Variants in SCOC observed in about 807,000 individuals in gnomAD.
SCOC encodes the protein short coiled coil protein.
A neutral mutation model predicts 9.9 loss-of-function variants in SCOC; 7 were observed. The observed-to-expected ratio is 0.71, with a 90% confidence interval of 0.40 to 1.33. The LOEUF (loss-of-function observed/expected upper bound fraction) is 1.33. Ranked by LOEUF, SCOC falls within the 40% of genes most tolerant of loss-of-function variation. The probability of loss-of-function intolerance (pLI) is 0.01; values close to 1 mark genes in which losing one functional copy is unlikely to be tolerated. For synonymous variants in SCOC, 19 were observed against 28.2 expected (o/e 0.67, Z 1.03); for missense variants, 66 against 89.7 (o/e 0.74, Z 1.07).
At chr4:140,312,016 G>T (rs139174524) in intron 1 of SCOC, among the ~76,000 whole-genome samples, 1 of 152,170 alleles carries the variant, frequency 6.6e-6, no homozygotes, top group East Asian at 1.9e-4. Context: ...CACTTTTAGC[G>T]AGAAATAGTT....
intron 1 of SCOC, among the ~76,000 whole-genome samples, chr4:140,312,696 A>C (rs62345654): frequency 0.12 from 18,716 of 152,212 alleles, 1,326 homozygotes; most frequent in African/African-American, 0.18. Flanking sequence ...TGGCTGCTAA[A>C]GTCCTGGGAT....
At chr4:140,299,285 A>G (rs1327077198) in intron 1 of SCOC, among the ~76,000 whole-genome samples, 2 of 152,218 alleles carry the variant, frequency 1.3e-5, no homozygotes, top group Non-Finnish European at 2.9e-5. Context: ...GAGGGATGTA[A>G]AGTGTGGTAA....
At chr4:140,278,304 CT>C (rs576171237) in intron 1 of SCOC, among the ~76,000 whole-genome samples, 415 of 142,836 alleles carry the variant, frequency 2.9e-3, no homozygotes, top group Middle Eastern at 7.2e-3. Context: ...TCTCTGAAGC[CT>C]TTTTTTTTTT....
At chr4:140,289,183 C>A (rs909098078) in intron 1 of SCOC, among the ~76,000 whole-genome samples, 1 of 152,150 alleles carries the variant, frequency 6.6e-6, no homozygotes, top group African/African-American at 2.4e-5. Flanking sequence ...GCAGGAAATA[C>A]CAACTGAACC....
upstream of SCOC, among the ~76,000 whole-genome samples, chr4:140,373,097 A>T (rs1421653454): frequency 6.6e-6 from 1 of 152,234 alleles, no homozygotes; most frequent in African/African-American, 2.4e-5. Flanking sequence ...GAGGAGAGGA[A>T]CATTCCACTA....
At chr4:140,294,247 T>C (rs1477609185) in intron 1 of SCOC, among the ~76,000 whole-genome samples, 2 of 152,048 alleles carry the variant, frequency 1.3e-5, no homozygotes, top group Non-Finnish European at 2.9e-5. Context: ...TGGACAGGAA[T>C]GTGTGGAAGC....
At chr4:140,299,249 C>A (rs889378781) in intron 1 of SCOC, among the ~76,000 whole-genome samples, 1 of 152,198 alleles carries the variant, frequency 6.6e-6, no homozygotes, top group Non-Finnish European at 1.5e-5. Flanking sequence ...ATCCAGCAAA[C>A]TGAAGAACAC....
At chr4:140,349,570 C>T (rs947085490) in intron 2 of SCOC, among the ~76,000 whole-genome samples, 1 of 152,124 alleles carries the variant, frequency 6.6e-6, no homozygotes, top group African/African-American at 2.4e-5. Flanking sequence ...ACCTTCTCCC[C>T]CCAATCTATT....
At chr4:140,279,094 C>T (rs982683895) in intron 1 of SCOC, among the ~76,000 whole-genome samples, 5 of 152,172 alleles carry the variant, frequency 3.3e-5, no homozygotes, top group African/African-American at 4.8e-5. Context: ...TAGTTCCTCA[C>T]ACTTTTCATG....
intron 1 of SCOC, among the ~76,000 whole-genome samples, chr4:140,377,415 G>A (rs1002357100): frequency 6.6e-6 from 1 of 152,204 alleles, no homozygotes; most frequent in Non-Finnish European, 1.5e-5. Flanking sequence ...TGAAAAAGAG[G>A]TCGGGCAGAG....
chr4:140,372,430 T>C (rs1347452874), upstream of SCOC, among the ~76,000 whole-genome samples: 1 of 152,246 alleles, frequency 6.6e-6, no homozygotes, highest in African/African-American at 2.4e-5. Flanking sequence ...ATCTGAAAAT[T>C]CAAATATTCC....
chr4:140,374,393 A>G (rs902413555), intron 1 of SCOC: 4 of 315,938 alleles, frequency 1.3e-5, no homozygotes, highest in Non-Finnish European at 2.5e-5. Flanking sequence ...CCAGGTTGCC[A>G]ACACGTTTTC....
At chr4:140,346,465 G>A (rs1433760633) in intron 2 of SCOC, among the ~76,000 whole-genome samples, 4 of 152,082 alleles carry the variant, frequency 2.6e-5, no homozygotes, top group Non-Finnish European at 4.4e-5. Context: ...TACCTCCATC[G>A]CCTCCCCCTT....
At chr4:140,361,917 C>G (rs572778810) in intron 2 of SCOC, among the ~76,000 whole-genome samples, 2 of 152,148 alleles carry the variant, frequency 1.3e-5, no homozygotes, top group Admixed American at 1.3e-4. Flanking sequence ...ACTCATAATT[C>G]TATAATAAAG....
At chr4:140,374,364 A>T (rs1189028488) in intron 1 of SCOC, 1 of 336,468 alleles carries the variant, frequency 3.0e-6, no homozygotes, top group Non-Finnish European at 5.9e-6. Flanking sequence ...ATTACGCAAC[A>T]ATAAGGACAG....
intron 2 of SCOC, among the ~76,000 whole-genome samples, chr4:140,361,764 T>C (rs1274817184): frequency 6.6e-6 from 1 of 152,178 alleles, no homozygotes. Context: ...GGAGATCTCC[T>C]GTGAAGAAAC....
intron 2 of SCOC, chr4:140,366,513 C>T: frequency 1.3e-6 from 2 of 1,563,136 alleles, no homozygotes; most frequent in Non-Finnish European, 1.8e-6. Flanking sequence ...TTCTGTTCCT[C>T]ATTGCCTTCA....
chr4:140,325,126 A>T (rs1375724274), intron 1 of SCOC, among the ~76,000 whole-genome samples: 2 of 152,152 alleles, frequency 1.3e-5, no homozygotes, highest in African/African-American at 4.8e-5. Flanking sequence ...CCATTTGCAA[A>T]AAATGAATCT....
chr4:140,287,236 A>G (rs1409534425), intron 1 of SCOC, among the ~76,000 whole-genome samples: 2 of 151,208 alleles, frequency 1.3e-5, no homozygotes, highest in Non-Finnish European at 2.9e-5. Context: ...GCACATACAT[A>G]CACCATGTAC....
Sources: allele counts gnomAD v4.1 joint callset (sites outside exome capture counted in the v4.1 genomes callset), GRCh38; gene constraint gnomAD v4.1.1; transcripts MANE v1.5; gene names NCBI Gene and HGNC (gene_info 2026-07-23, HGNC 2026-07-21).